Variants in CFH observed in about 807,000 individuals in gnomAD.
The protein encoded by CFH is H factor 1 (complement).
A neutral mutation model predicts 147.3 loss-of-function variants in CFH; 53 were observed. That is an observed-to-expected ratio of 0.36 (90% CI 0.29 to 0.45). The LOEUF is 0.45. Among genes scored for constraint, CFH ranks in the 20% least tolerant of loss-of-function variants. CFH has a pLI of 1.00. For synonymous variants in CFH, 536 were observed against 489.4 expected, an observed-to-expected ratio of 1.10 and a Z score of -1.26; for missense variants, 1,380 against 1,498.0, an observed-to-expected ratio of 0.92 and a Z score of 1.30.
At chr1:196,712,628 T>TATTATA (rs1162562447) in intron 9 of CFH, among the ~76,000 whole-genome samples, 1 of 151,502 alleles carries the variant, frequency 6.6e-6, no homozygotes, top group African/African-American at 2.4e-5. Flanking sequence ...TTATTATTAT[T>TATTATA]ATTATACTTT....
At chr1:196,731,790 T>G (rs1669286143) in intron 15 of CFH, among the ~76,000 whole-genome samples, 1 of 152,048 alleles carries the variant, frequency 6.6e-6, no homozygotes, top group Non-Finnish European at 1.5e-5. Context: ...AGTTGTTTTC[T>G]TTCAGAATTT....
At position 196,666,094 on chromosome 1, in the gene CFH, T is replaced by C. The variant is rs556469343; in HGVS notation, c.59-6884T>C. Among the ~76,000 whole-genome samples the C allele has an allele frequency of 2.0e-5, 3 of 152,310 alleles. No individual in the cohort carries two copies. The East Asian group carries it at 5.8e-4, about 29-fold the overall frequency. The stretch of plus-strand genomic sequence containing the variant: ...TCAGGCACTGAAACTCAGCTTCTAA[T>C]ATCTTAACCCCCACCAGGATAATTT... On this transcript the variant is annotated intron_variant, in intron 1 of 21. Coordinates refer to ENST00000367429, the MANE Select transcript of CFH (RefSeq NM_000186.4).
At chr1:196,693,609 G>C (rs1668141377) in intron 9 of CFH, among the ~76,000 whole-genome samples, 1 of 152,056 alleles carries the variant, frequency 6.6e-6, no homozygotes, top group South Asian at 2.1e-4. Flanking sequence ...GGGCGGGATG[G>C]AGCTGAATGG....
chr1:196,672,760 A>T (rs1202237671), intron 1 of CFH, among the ~76,000 whole-genome samples: 1 of 152,160 alleles, frequency 6.6e-6, no homozygotes, highest in Non-Finnish European at 1.5e-5. Context: ...TTATAAAATT[A>T]TGTAGATACA....
At chr1:196,676,842 T>TA (rs1667473941) in intron 4 of CFH, 1 of 152,232 alleles carries the variant, frequency 6.6e-6, no homozygotes, top group Non-Finnish European at 1.5e-5. Flanking sequence ...GGATGCTTGT[T>TA]AAAAACTAAA....
intron 9 of CFH, among the ~76,000 whole-genome samples, chr1:196,692,822 C>T (rs72734322): frequency 0.2 from 4,502 of 22,138 alleles, 455 homozygotes; most frequent in East Asian, 0.42. Flanking sequence ...TTCTTTCTTT[C>T]TCTTTCCTTC....
At chr1:196,705,600 G>A (rs1668567670) in intron 9 of CFH, among the ~76,000 whole-genome samples, 1 of 152,154 alleles carries the variant, frequency 6.6e-6, no homozygotes. Flanking sequence ...AGAGAGAAGG[G>A]ATGGGTTTAG....
intron 9 of CFH, among the ~76,000 whole-genome samples, chr1:196,691,911 A>T (rs1668037451): frequency 6.6e-6 from 1 of 152,012 alleles, no homozygotes; most frequent in African/African-American, 2.4e-5. Flanking sequence ...TGTTGATTTT[A>T]TTCATGATAA....
In CFH at chr1:196,714,335, C is replaced by A. The variant is rs546435258; in HGVS notation, c.1519+418C>A. ...GTGCATAACATCAAAATAATTTAAA[C>A]TCTATAATTTGTAGATTTGACACTG... On this transcript the variant is annotated intron_variant, in intron 10 of 21. Transcript: ENST00000367429. Among the ~76,000 whole-genome samples the A allele has an allele frequency of 8.2e-4, 124 of 151,664 alleles. 3 individuals are homozygous for A. The South Asian group carries it at 8.3e-3, about 10-fold the overall frequency.
chr1:196,739,510 G>A (rs454652), intron 17 of CFH, among the ~76,000 whole-genome samples: 6,057 of 152,208 alleles, frequency 0.04, 372 homozygotes, highest in African/African-American at 0.13. Flanking sequence ...CATAGCAGGA[G>A]TGACCTTTAC....
chr1:196,698,120 G>A (rs1259043581), intron 9 of CFH, among the ~76,000 whole-genome samples: 4 of 151,940 alleles, frequency 2.6e-5, no homozygotes, highest in Admixed American at 6.6e-5. Context: ...TAACCTGCAC[G>A]TAGTGCACAT....
chr1:196,728,433 C>T lies in CFH; in HGVS notation c.2324C>T (p.Ser775Phe). ...LKNKKEFDHN[S>F]NIRYRCRGKE... ...AACAAGAAGGAATTCGATCATAATT[C>T]TAACATAAGGTACAGATGTAGAGGA... Residue 775 changes from serine (S) to phenylalanine (F), a missense_variant, in exon 15 of 22, where the codon TCT (serine) becomes TTT (phenylalanine). By Grantham distance (155) the Ser-to-Phe change is radical. Around this residue, in one of 4 missense-constraint regions of CFH, gnomAD observed 830 missense variants for 821.4 expected, o/e 1.01. Transcript: ENST00000367429. 1 of 1,610,560 alleles carries T rather than the reference C, an allele frequency of 6.2e-7. No homozygotes were observed. Among genetic ancestry groups the T allele is most frequent in the South Asian group, 1.1e-5 (1 of 90,574 alleles).
At chr1:196,714,658 TATATATATATAG>T (rs1213519072) in intron 10 of CFH, among the ~76,000 whole-genome samples, 29 of 47,482 alleles carry the variant, frequency 6.1e-4, no homozygotes, top group African/African-American at 2.2e-3. Flanking sequence ...TATATATATA[TATATATATATAG>T]AGAGAGAGAG....
At chr1:196,676,151 T>C (rs1188256235) in intron 4 of CFH, 86 bp downstream of exon 4, 3 of 768,806 alleles carry the variant, frequency 3.9e-6, no homozygotes, top group South Asian at 2.0e-5. Context: ...TTAAAGTCTC[T>C]ATTAAATATT....
Position 196,726,469 on chromosome 1 carries a change from G to C in CFH, c.1874-1G>C. On this transcript the variant is annotated splice_acceptor_variant, in intron 12 of 21. Coordinates refer to ENST00000367429, the MANE Select transcript of CFH (RefSeq NM_000186.4). LOFTEE classifies it high-confidence loss of function. Reference sequence around the variant, plus strand: ...TTATTTACATAGTATTTCTACTATAGAGCAAGTACAATCATGTGGTCCACC... The same window carrying C: ...TTATTTACATAGTATTTCTACTATACAGCAAGTACAATCATGTGGTCCACC... 1 of 1,604,868 alleles carries C rather than the reference G, an allele frequency of 6.2e-7. No individual in the cohort carries two copies. Among genetic ancestry groups the C allele is most frequent in the Non-Finnish European group, 8.5e-7 (1 of 1,172,326 alleles).
chr1:196,743,282 T>C (rs549722139), intron 19 of CFH, among the ~76,000 whole-genome samples, 170 bp from the exon 20 acceptor site: 3 of 152,318 alleles, frequency 2.0e-5, no homozygotes, highest in African/African-American at 7.2e-5. Flanking sequence ...AAAAAATAGT[T>C]TCATGTCTTT....
intron 10 of CFH, among the ~76,000 whole-genome samples, chr1:196,714,845 C>T (rs1668829785): frequency 6.6e-6 from 1 of 150,430 alleles, no homozygotes; most frequent in African/African-American, 2.4e-5. Flanking sequence ...GGATTACAGG[C>T]ACCCTCCATC....
At chr1:196,656,737 G>C (rs753208209) in intron 1 of CFH, among the ~76,000 whole-genome samples, 1 of 125,982 alleles carries the variant, frequency 7.9e-6, no homozygotes, top group Non-Finnish European at 1.6e-5. Context: ...CTGTCTCTTT[G>C]TGGCTGAGTT....
At chr1:196,652,604 C>T (rs993680816) in intron 1 of CFH, among the ~76,000 whole-genome samples, 1 of 151,768 alleles carries the variant, frequency 6.6e-6, no homozygotes, top group Non-Finnish European at 1.5e-5. Context: ...GATTTTAACT[C>T]TTCCTAAATA....
Sources: allele counts gnomAD v4.1 joint callset (sites outside exome capture counted in the v4.1 genomes callset), GRCh38; gene constraint gnomAD v4.1.1; regional missense constraint gnomAD v4.1.1; transcripts MANE v1.5; gene names NCBI Gene and HGNC (gene_info 2026-07-23, HGNC 2026-07-21).